OLFM3: variants seen among roughly 807,000 people sequenced by gnomAD.
The protein encoded by OLFM3 is noelin-3.
A neutral mutation model predicts 48.6 loss-of-function variants in OLFM3; 20 were observed. The ratio of observed to expected loss-of-function variants is 0.41; its 90% CI spans 0.29 to 0.60. The LOEUF (loss-of-function observed/expected upper bound fraction) is 0.60, where lower values mean the gene tolerates loss of function less well. Ranked by LOEUF, OLFM3 falls within the 20% of genes least tolerant of loss-of-function variation. The probability of loss-of-function intolerance (pLI) is 0.28; values close to 1 mark genes in which losing one functional copy is unlikely to be tolerated. For missense variants in OLFM3, 437 were observed against 544.3 expected (o/e 0.80, Z 1.96); for synonymous variants, 222 against 198.1 (o/e 1.12, Z -1.01).
At chr1:101,932,348 AG>A (rs1659468270) in intron 1 of OLFM3, among the ~76,000 whole-genome samples, 1 of 152,208 alleles carries the variant, frequency 6.6e-6, no homozygotes, top group Admixed American at 6.5e-5. Flanking sequence ...GACTGGATGC[AG>A]CCAGGAGAAA....
intron 1 of OLFM3, among the ~76,000 whole-genome samples, chr1:101,983,001 G>A (rs946608404): frequency 1.3e-4 from 19 of 151,836 alleles, no homozygotes; most frequent in African/African-American, 2.2e-4. Flanking sequence ...TTTTAAATTC[G>A]ATCTTTCACC....
At chr1:101,889,711 T>A (rs182202037) in intron 1 of OLFM3, among the ~76,000 whole-genome samples, 189 of 152,174 alleles carry the variant, frequency 1.2e-3, no homozygotes, top group African/African-American at 4.3e-3. Flanking sequence ...GATATACTGA[T>A]CTAGCATAGA....
At chr1:101,872,868 A>G (rs1273989144) in intron 1 of OLFM3, among the ~76,000 whole-genome samples, 1 of 151,410 alleles carries the variant, frequency 6.6e-6, no homozygotes, top group Non-Finnish European at 1.5e-5. Flanking sequence ...CTATATCTTA[A>G]TGGGTACAAT....
intron 1 of OLFM3, among the ~76,000 whole-genome samples, chr1:101,950,743 C>T (rs1660120978): frequency 6.6e-6 from 1 of 152,146 alleles, no homozygotes. Context: ...TGCGCGCGGC[C>T]TTGTCTGTAT....
intron 1 of OLFM3, among the ~76,000 whole-genome samples, chr1:101,906,905 T>C (rs1658572787): frequency 1.3e-5 from 2 of 152,200 alleles, no homozygotes; most frequent in East Asian, 1.9e-4. Context: ...CATGCATACA[T>C]ATGTATATGT....
rs117109489 is a variant in OLFM3, at chr1:101,831,192, A to G, written c.217-365T>C. 6.6e-5 allele frequency among the ~76,000 whole-genome samples: 10 copies of G among 152,344 alleles called. No individual in the cohort carries two copies. In the East Asian group the frequency reaches 1.9e-3, roughly 29 times the overall value. ...AAAATAAGTTGTTTCTGTAAGTACT[A>G]ATTCTGACTTCTTAAATATTTAGGA... On this transcript the variant is annotated intron_variant, in intron 2 of 5. Coordinates refer to ENST00000370103, the MANE Select transcript of OLFM3 (RefSeq NM_058170.4).
chr1:101,904,227 A>T (rs1658484177), intron 1 of OLFM3, among the ~76,000 whole-genome samples: 1 of 152,124 alleles, frequency 6.6e-6, no homozygotes, highest in Admixed American at 6.6e-5. Flanking sequence ...AAATGGAAGA[A>T]GTTAAAAGAA....
chr1:101,972,320 A>T (rs959183011), intron 1 of OLFM3, among the ~76,000 whole-genome samples: 4 of 152,208 alleles, frequency 2.6e-5, no homozygotes, highest in Admixed American at 2.6e-4. Context: ...CTTTATCATA[A>T]TGCTGTCAGT....
intron 1 of OLFM3, among the ~76,000 whole-genome samples, chr1:101,973,382 T>TA (rs1000185321): frequency 6.6e-6 from 1 of 152,230 alleles, no homozygotes; most frequent in Non-Finnish European, 1.5e-5. Flanking sequence ...CCTCTTTTTT[T>TA]ATTCTTCTGG....
intron 1 of OLFM3, among the ~76,000 whole-genome samples, chr1:101,883,280 G>GTT (rs1383064208): frequency 6.7e-6 from 1 of 149,230 alleles, no homozygotes; most frequent in Non-Finnish European, 1.5e-5. Context: ...TATATTTACA[G>GTT]TTATATATAT....
chr1:101,921,417 C>G (rs890035714), intron 1 of OLFM3, among the ~76,000 whole-genome samples: 9 of 152,184 alleles, frequency 5.9e-5, no homozygotes, highest in Non-Finnish European at 1.2e-4. Context: ...AGTATTTTCA[C>G]CTCCTCCCAA....
intron 1 of OLFM3, among the ~76,000 whole-genome samples, chr1:101,928,715 G>C (rs570582433): frequency 6.6e-6 from 1 of 152,222 alleles, no homozygotes; most frequent in East Asian, 1.9e-4. Context: ...ACTATGTCCT[G>C]AAGACCTACT....
At position 101,852,154 on chromosome 1, in the gene OLFM3, A is replaced by G. The variant is rs1002835499; in HGVS notation, c.70-15129T>C. The stretch of plus-strand genomic sequence containing the variant: ...TTCCTACTTTAAATGCAAACAAACA[A>G]ACTTTCTTGATCTTATTTTCTCTCC... On this transcript the variant is annotated intron_variant, in intron 1 of 5. Transcript: ENST00000370103. Among the ~76,000 whole-genome samples, 14 of 152,160 alleles carry G rather than the reference A, an allele frequency of 9.2e-5. No homozygotes were observed. The South Asian group carries it at 1.9e-3, about 20-fold the overall frequency.
chr1:101,886,781 T>C (rs1657777912), intron 1 of OLFM3, among the ~76,000 whole-genome samples: 1 of 152,090 alleles, frequency 6.6e-6, no homozygotes, highest in South Asian at 2.1e-4. Flanking sequence ...TGCACAGCAA[T>C]AGATTATTGG....
At chr1:101,950,978 A>T (rs1012378795) in intron 1 of OLFM3, among the ~76,000 whole-genome samples, 1 of 152,190 alleles carries the variant, frequency 6.6e-6, no homozygotes, top group Non-Finnish European at 1.5e-5. Flanking sequence ...TTGCCTAGCA[A>T]AAAAAGAAAG....
intron 1 of OLFM3, among the ~76,000 whole-genome samples, chr1:101,989,557 C>G (rs916945751): frequency 1.8e-5 from 2 of 108,520 alleles, no homozygotes; most frequent in African/African-American, 6.1e-5. Flanking sequence ...TGAGTGGGGT[C>G]TATTCTAGAT....
chr1:101,996,819 T>C lies in OLFM3; in HGVS notation c.-3A>G. 6.2e-7 allele frequency: 1 copy of C among 1,614,238 alleles called. No homozygotes were observed. The highest frequency in any genetic ancestry group is 8.5e-7 in the Non-Finnish European group (1 of 1,180,030). ...AGAAGGTTGGACGTCGCCTGCATTCTGATCTGGGTTTTTGCCCCTCTTTAC... is the reference window on the plus strand; with the variant it reads ...AGAAGGTTGGACGTCGCCTGCATTCCGATCTGGGTTTTTGCCCCTCTTTAC... On this transcript the variant is annotated 5_prime_UTR_variant, in exon 1 of 6. Coordinates refer to ENST00000370103, the MANE Select transcript of OLFM3 (RefSeq NM_058170.4).
chr1:101,898,726 G>A (rs1421827000), intron 1 of OLFM3, among the ~76,000 whole-genome samples: 1 of 152,046 alleles, frequency 6.6e-6, no homozygotes, highest in Non-Finnish European at 1.5e-5. Context: ...ACATGTGCCT[G>A]TAGTCCCAGC....
chr1:101,933,995 T>C (rs1174592110), intron 1 of OLFM3, among the ~76,000 whole-genome samples: 1 of 151,814 alleles, frequency 6.6e-6, no homozygotes, highest in African/African-American at 2.4e-5. Context: ...AGACCATTAC[T>C]GACTGTGACA....
Sources: allele counts gnomAD v4.1 joint callset (sites outside exome capture counted in the v4.1 genomes callset), GRCh38; gene constraint gnomAD v4.1.1; transcripts MANE v1.5; gene names NCBI Gene and HGNC (gene_info 2026-07-23, HGNC 2026-07-21).